Variants in C16orf74 observed in about 807,000 individuals in gnomAD.
The protein encoded by C16orf74 is uncharacterized protein C16orf74.
C16orf74 carries 10 observed loss-of-function variants against 6.5 expected under a neutral mutation model. The ratio of observed to expected loss-of-function variants is 1.54; its 90% CI spans 0.95 to 2.61. The LOEUF (loss-of-function observed/expected upper bound fraction) is 2.61. Ranked by LOEUF, C16orf74 falls within the 30% of genes most tolerant of loss-of-function variation. The pLI is 0.00. For missense variants in C16orf74, 141 were observed against 105.9 expected, an observed-to-expected ratio of 1.33 and a Z score of -1.45; for synonymous variants, 60 against 42.5, an observed-to-expected ratio of 1.41 and a Z score of -1.60.
At chr16:85,714,405 T>TTTA (rs1448713402) in intron 2 of C16orf74, among the ~76,000 whole-genome samples, 2 of 37,778 alleles carry the variant, frequency 5.3e-5, no homozygotes, top group African/African-American at 1.5e-4. Flanking sequence ...TTATTTATTA[T>TTTA]TTATTTATTT....
intron 1 of C16orf74, among the ~76,000 whole-genome samples, chr16:85,746,307 G>A (rs2054372775): frequency 6.6e-6 from 1 of 152,152 alleles, no homozygotes; most frequent in African/African-American, 2.4e-5. Context: ...TGGAGATCGC[G>A]CCACTGCACT....
chr16:85,726,530 G>A (rs1192508422), intron 2 of C16orf74, among the ~76,000 whole-genome samples: 2 of 152,124 alleles, frequency 1.3e-5, no homozygotes, highest in African/African-American at 2.4e-5. Context: ...CAGGATCCCC[G>A]CAGGCAGGAG....
chr16:85,732,601 G>A (rs549295686), intron 2 of C16orf74, among the ~76,000 whole-genome samples: 2 of 147,346 alleles, frequency 1.4e-5, no homozygotes, highest in Admixed American at 6.9e-5. Context: ...GGGAGGCGGG[G>A]GTTGCAGTGA....
At position 85,710,315 on chromosome 16, in the gene C16orf74, G is replaced by A. The variant is rs769498389; in HGVS notation, c.29-8C>T. 7 of 1,499,512 alleles carry A rather than the reference G, an allele frequency of 4.7e-6. No individual in the cohort carries two copies. The Admixed American group carries it at 1.7e-4, about 37-fold the overall frequency. 92.9% of individuals were successfully genotyped at this position (1,499,512 alleles called of 1,614,324 possible). A position where few individuals can be genotyped will look rare whatever the true frequency, so the allele number is the denominator to read the frequency against. ...TGACACACATTTGAAAGCCTGAGAA[G>A]CCAGGCGTGGAGCACACACGCACGT... On this transcript the variant is annotated splice_region_variant and splice_polypyrimidine_tract_variant and intron_variant, in intron 2 of 3. Coordinates refer to ENST00000284245, the MANE Select transcript of C16orf74 (RefSeq NM_206967.3).
At chr16:85,733,970 C>T (rs778628719) in intron 2 of C16orf74, among the ~76,000 whole-genome samples, 1 of 152,238 alleles carries the variant, frequency 6.6e-6, no homozygotes, top group Non-Finnish European at 1.5e-5. Flanking sequence ...CGGATGCTCT[C>T]CTGGAGCGGA....
intron 1 of C16orf74, among the ~76,000 whole-genome samples, chr16:85,739,441 T>C (rs1342663069): frequency 6.6e-6 from 1 of 152,218 alleles, no homozygotes; most frequent in African/African-American, 2.4e-5. Flanking sequence ...GAAAGAATGA[T>C]GTCTGGAATT....
At chr16:85,716,853 A>C (rs528148565) in intron 2 of C16orf74, among the ~76,000 whole-genome samples, 6 of 152,172 alleles carry the variant, frequency 3.9e-5, no homozygotes, top group Non-Finnish European at 8.8e-5. Context: ...TTAAAAACCA[A>C]ATGCCAGCCC....
Position 85,749,734 on chromosome 16 carries a change from C to T in C16orf74, c.-19+1192G>A, listed in dbSNP as rs533743069. ...TTCTTCAGTGTCCACTGACGGCACG[C>T]TCCCATTTCAAGTCTCCAGAGGTGA... is the stretch of plus-strand genomic sequence containing the variant. On this transcript the variant is annotated intron_variant, in intron 1 of 3. Transcript: ENST00000284245. Among the ~76,000 whole-genome samples the T allele has an allele frequency of 1.5e-4, 23 of 152,378 alleles. No individual in the cohort carries two copies. The East Asian group carries it at 1.7e-3, about 11-fold the overall frequency.
intron 3 of C16orf74, 126 bp from the exon 4 acceptor site, chr16:85,708,192 G>C (rs1426720715): frequency 2.6e-6 from 2 of 781,506 alleles, no homozygotes; most frequent in Non-Finnish European, 2.1e-6. Flanking sequence ...CAGAGGCTGA[G>C]ATGGGACCCA....
At chr16:85,740,720 C>T (rs2054296444) in intron 1 of C16orf74, among the ~76,000 whole-genome samples, 3 of 142,782 alleles carry the variant, frequency 2.1e-5, no homozygotes, top group South Asian at 2.2e-4. Flanking sequence ...AAAAATTATC[C>T]GGGCTTGGTG....
At chr16:85,728,183 T>TAATA (rs538382679) in intron 2 of C16orf74, among the ~76,000 whole-genome samples, 63 of 152,144 alleles carry the variant, frequency 4.1e-4, no homozygotes, top group Middle Eastern at 6.8e-3. Context: ...AATAAAACAC[T>TAATA]AATAAATAAA....
At chr16:85,726,440 G>A (rs2054133693) in intron 2 of C16orf74, among the ~76,000 whole-genome samples, 1 of 152,208 alleles carries the variant, frequency 6.6e-6, no homozygotes, top group African/African-American at 2.4e-5. Context: ...TTCGCAGCTT[G>A]GGTGTGGAGG....
intron 2 of C16orf74, among the ~76,000 whole-genome samples, chr16:85,712,836 C>G (rs2053983428): frequency 6.6e-6 from 1 of 152,178 alleles, no homozygotes. Context: ...GAATATCTTG[C>G]CTGATAGGAG....
Position 85,707,976 on chromosome 16 carries a change from A to G in C16orf74, c.*32T>C. On this transcript the variant is annotated 3_prime_UTR_variant, in exon 4 of 4. Coordinates refer to ENST00000284245, the MANE Select transcript of C16orf74 (RefSeq NM_206967.3). ...ACACCTGAAGCCGGGCCGCTGGAGC[A>G]GGAGCCAGCCAGCCAAACCCAGGAC... The G allele has an allele frequency of 6.5e-7, 1 of 1,545,866 alleles. No homozygotes were observed. Among genetic ancestry groups the G allele is most frequent in the Non-Finnish European group, 8.8e-7 (1 of 1,142,524 alleles).
At chr16:85,739,453 G>A (rs1274055479) in intron 1 of C16orf74, among the ~76,000 whole-genome samples, 1 of 152,208 alleles carries the variant, frequency 6.6e-6, no homozygotes, top group Non-Finnish European at 1.5e-5. Context: ...TCTGGAATTT[G>A]CTGTAAAATA....
intron 2 of C16orf74, among the ~76,000 whole-genome samples, chr16:85,725,238 G>T (rs988169056): frequency 8.5e-5 from 13 of 152,104 alleles, no homozygotes; most frequent in Non-Finnish European, 4.4e-5. Context: ...TCTCTCAGGA[G>T]CTCCTGCCTC....
At chr16:85,732,900 G>A (rs1054338410) in intron 2 of C16orf74, among the ~76,000 whole-genome samples, 28 of 152,142 alleles carry the variant, frequency 1.8e-4, no homozygotes, top group Admixed American at 5.2e-4. Flanking sequence ...ACAGGAAGAC[G>A]GTCCTTTTAA....
At chr16:85,723,910 T>A (rs2054107422) in intron 2 of C16orf74, among the ~76,000 whole-genome samples, 1 of 152,220 alleles carries the variant, frequency 6.6e-6, no homozygotes, top group South Asian at 2.1e-4. Context: ...GCAGCCGCGA[T>A]GCCCTGGCCC....
At chr16:85,717,515 G>C (rs1433914858) in intron 2 of C16orf74, among the ~76,000 whole-genome samples, 1 of 152,194 alleles carries the variant, frequency 6.6e-6, no homozygotes, top group Non-Finnish European at 1.5e-5. Flanking sequence ...GAAGTGCCAG[G>C]TGTGGGGTGT....
Sources: gnomAD v4.1 joint callset for allele counts (sites outside exome capture counted in the v4.1 genomes callset) on GRCh38, gnomAD v4.1.1 for gene constraint, MANE v1.5 for transcripts, NCBI Gene and HGNC (gene_info 2026-07-23, HGNC 2026-07-21) for gene names.